Variants in SNRK observed in about 807,000 individuals in gnomAD.
The protein encoded by SNRK is SNF related kinase.
Under a neutral mutation model 48.2 loss-of-function variants are expected in SNRK, and 3 were observed. That is an observed-to-expected ratio of 0.06 (90% CI 0.03 to 0.16). The LOEUF (loss-of-function observed/expected upper bound fraction) is 0.16. Among genes scored for constraint, SNRK ranks in the 10% least tolerant of loss-of-function variants. The pLI is 1.00. For synonymous variants in SNRK, 376 were observed against 366.1 expected (o/e 1.03, Z -0.31); for missense variants, 627 against 976.0 (o/e 0.64, Z 4.76).
intron 5 of SNRK, among the ~76,000 whole-genome samples, chr3:43,342,999 C>G (rs1355273124): frequency 6.6e-6 from 1 of 152,204 alleles, no homozygotes. Context: ...ACCACCTGAA[C>G]AAATACAAAC....
chr3:43,289,067 T>C (rs796593313), intron 1 of SNRK, among the ~76,000 whole-genome samples: 3 of 152,284 alleles, frequency 2.0e-5, no homozygotes, highest in African/African-American at 7.2e-5. Context: ...AGTTCCTGAC[T>C]GTAGGTTCTT....
chr3:43,309,448 C>G (rs1476249876), intron 3 of SNRK, among the ~76,000 whole-genome samples: 1 of 152,074 alleles, frequency 6.6e-6, no homozygotes, highest in Non-Finnish European at 1.5e-5. Context: ...TCAAATGATG[C>G]AGCAAACTTC....
At chr3:43,298,046 TG>T (rs1052239978) in intron 1 of SNRK, among the ~76,000 whole-genome samples, 5 of 152,186 alleles carry the variant, frequency 3.3e-5, no homozygotes, top group Non-Finnish European at 7.3e-5. Context: ...ATGGTGGTGG[TG>T]GTAGCTGGTA....
chr3:43,306,128 A>T (rs539128518), intron 3 of SNRK, among the ~76,000 whole-genome samples: 12 of 152,180 alleles, frequency 7.9e-5, no homozygotes, highest in South Asian at 2.1e-4. Context: ...TTGGTGAAGT[A>T]GGCTTGGGTG....
At chr3:43,325,227 G>A (rs1443815571) in intron 3 of SNRK, among the ~76,000 whole-genome samples, 4 of 152,110 alleles carry the variant, frequency 2.6e-5, no homozygotes, top group Non-Finnish European at 4.4e-5. Flanking sequence ...CTGCAGTGGC[G>A]CTGTCTTGGC....
Position 43,350,312 on chromosome 3 carries a change from T to C in SNRK, c.*1755T>C, listed in dbSNP as rs1443297231. 1 of 152,636 alleles carries C rather than the reference T, an allele frequency of 6.6e-6. No homozygotes were observed. The highest frequency in any genetic ancestry group is 1.5e-5 in the Non-Finnish European group (1 of 68,038). The allele number at this position is 152,636 out of a possible 1,614,324, so 9.5% of individuals were successfully genotyped here. Reference sequence around the variant, plus strand: ...AAAGGGCCAGAAATAAGATGTGTGGTTCACATAGATAGTGAGCGTAACATC... The same window carrying C: ...AAAGGGCCAGAAATAAGATGTGTGGCTCACATAGATAGTGAGCGTAACATC... On this transcript the variant is annotated 3_prime_UTR_variant, in exon 7 of 7. Transcript: ENST00000296088.
Position 43,348,243 on chromosome 3 carries a change from A to G in SNRK, c.1984A>G (p.Thr662Ala). The change falls in exon 7 of 7, where the codon ACC (threonine) becomes GCC (alanine). Residue 662 changes from threonine to alanine, a missense_variant. By Grantham distance (58) the Thr-to-Ala change is moderately conservative. Coordinates refer to ENST00000296088, the MANE Select transcript of SNRK (RefSeq NM_017719.5). ...CCTCGGCTCCCAGCTTCATGGGAGC[A>G]CCAAGTACATTATTGATCCACAGAA... ...LCLGSQLHGS[T>A]KYIIDPQNGL... is the part of the protein sequence containing the mutation. 1 of 1,613,974 alleles carries G rather than the reference A, an allele frequency of 6.2e-7. No homozygotes were observed. Among genetic ancestry groups the G allele is most frequent in the Non-Finnish European group, 8.5e-7 (1 of 1,179,890 alleles).
chr3:43,339,885 A>G (rs114347404), intron 4 of SNRK, among the ~76,000 whole-genome samples: 3,333 of 113,950 alleles, frequency 0.029, 180 homozygotes, highest in African/African-American at 0.1. Flanking sequence ...GTTACATGGT[A>G]TTTTAGTTGT....
At chr3:43,286,829 C>T (rs1361926519) in intron 1 of SNRK, among the ~76,000 whole-genome samples, 154 bp downstream of exon 1, 2 of 145,972 alleles carry the variant, frequency 1.4e-5, no homozygotes, top group South Asian at 2.1e-4. Flanking sequence ...CTCTCGGCGC[C>T]GGCCGCAGCG....
intron 3 of SNRK, among the ~76,000 whole-genome samples, chr3:43,318,996 C>G (rs1436059011): frequency 1.3e-5 from 2 of 151,208 alleles, no homozygotes; most frequent in African/African-American, 4.9e-5. Context: ...CCACTGCACT[C>G]CAGCCTGGGC....
At chr3:43,322,102 G>T (rs1458552383) in intron 3 of SNRK, among the ~76,000 whole-genome samples, 3 of 152,262 alleles carry the variant, frequency 2.0e-5, no homozygotes, top group Non-Finnish European at 4.4e-5. Context: ...CAGGGGCACT[G>T]CTGTATCTTA....
At chr3:43,346,186 C>T (rs1324806879) in intron 6 of SNRK, among the ~76,000 whole-genome samples, 2 of 152,162 alleles carry the variant, frequency 1.3e-5, no homozygotes, top group Non-Finnish European at 2.9e-5. Flanking sequence ...CGGTTATGAC[C>T]ACTTCAGAGA....
At chr3:43,292,509 A>G (rs2090820200) in intron 1 of SNRK, among the ~76,000 whole-genome samples, 1 of 152,244 alleles carries the variant, frequency 6.6e-6, no homozygotes, top group African/African-American at 2.4e-5. Flanking sequence ...TTTGTCCAGC[A>G]CGGTTGCTTA....
At chr3:43,344,821 C>A (rs529254455) in intron 6 of SNRK, among the ~76,000 whole-genome samples, 3 of 151,840 alleles carry the variant, frequency 2.0e-5, no homozygotes, top group Non-Finnish European at 4.4e-5. Flanking sequence ...AAAGAGTAAC[C>A]CCAAGGCAGA....
intron 1 of SNRK, among the ~76,000 whole-genome samples, chr3:43,292,607 T>C (rs73831240): frequency 0.025 from 3,803 of 152,302 alleles, 159 homozygotes; most frequent in African/African-American, 0.084. Flanking sequence ...TGACTTCCAC[T>C]CCCAAATCAT....
rs562333181 is a variant in SNRK at position 43,348,613 on chromosome 3, T to C, written c.*56T>C. ...CCTGCTCAGAGCAGTGAAGACCGGCTCACTTCACTGTTCCATTTGGTTTTA... is the reference window on the plus strand; with the variant it reads ...CCTGCTCAGAGCAGTGAAGACCGGCCCACTTCACTGTTCCATTTGGTTTTA... On this transcript the variant is annotated 3_prime_UTR_variant, in exon 7 of 7. Coordinates refer to ENST00000296088, the MANE Select transcript of SNRK (RefSeq NM_017719.5). The C allele has an allele frequency of 6.9e-7, 1 of 1,452,280 alleles. No homozygotes were observed. Among genetic ancestry groups the C allele is most frequent in the South Asian group, 1.5e-5 (1 of 65,990 alleles). 90.0% of individuals were successfully genotyped at this position (1,452,280 alleles called of 1,614,324 possible). A position where few individuals can be genotyped will look rare whatever the true frequency, so the allele number is the denominator to read the frequency against.
intron 5 of SNRK, 97 bp downstream of exon 5, chr3:43,340,596 A>T: frequency 9.6e-7 from 1 of 1,046,184 alleles, no homozygotes; most frequent in Non-Finnish European, 1.4e-6. Flanking sequence ...TGTGTAATAG[A>T]TAAGAGTTCC....
intron 2 of SNRK, among the ~76,000 whole-genome samples, chr3:43,302,701 T>G (rs2090906991): frequency 1.3e-5 from 2 of 151,884 alleles, no homozygotes. Flanking sequence ...TGAAAAGTTG[T>G]TGGGTTTCTG....
intron 3 of SNRK, among the ~76,000 whole-genome samples, chr3:43,314,238 A>T (rs908480539): frequency 2.6e-5 from 4 of 152,190 alleles, no homozygotes; most frequent in African/African-American, 9.7e-5. Context: ...ATGAGGAAGG[A>T]TATAGACATA....
Sources: gnomAD v4.1 joint callset for allele counts (sites outside exome capture counted in the v4.1 genomes callset) on GRCh38, gnomAD v4.1.1 for gene constraint, MANE v1.5 for transcripts, NCBI Gene and HGNC (gene_info 2026-07-23, HGNC 2026-07-21) for gene names.